The following NRG3 variants were observed in gnomAD, a reference collection of about 807,000 sequenced individuals.
The protein encoded by NRG3 is pro-neuregulin-3, membrane-bound isoform.
In NRG3, 31 loss-of-function variants were observed where a neutral mutation model predicts 66.9. The ratio of observed to expected loss-of-function variants is 0.46; its 90% CI spans 0.35 to 0.63. The LOEUF is 0.63. NRG3 is among the 20% of genes least tolerant of loss of function. NRG3 has a pLI of 0.00. For synonymous variants in NRG3, 393 were observed against 359.4 expected (o/e 1.09, Z -1.06); for missense variants, 910 against 878.9 (o/e 1.04, Z -0.45).
intron 4 of NRG3, among the ~76,000 whole-genome samples, chr10:82,917,929 C>T (rs1564629222): frequency 6.8e-6 from 1 of 147,922 alleles, no homozygotes; most frequent in Non-Finnish European, 1.5e-5. Flanking sequence ...TATATACACA[C>T]ACCCCTGTGT....
chr10:82,239,389 C>T (rs2076908015), intron 1 of NRG3, among the ~76,000 whole-genome samples: 1 of 152,134 alleles, frequency 6.6e-6, no homozygotes, highest in Admixed American at 6.6e-5. Flanking sequence ...TTCCTGACCT[C>T]AGATGATCCG....
chr10:82,687,726 G>A (rs1191976101), intron 2 of NRG3, among the ~76,000 whole-genome samples: 3 of 152,058 alleles, frequency 2.0e-5, no homozygotes, highest in Non-Finnish European at 4.4e-5. Context: ...AATATGGTGG[G>A]GGGAGGGGTG....
chr10:82,143,828 G>C (rs1173942004), intron 1 of NRG3, among the ~76,000 whole-genome samples: 4 of 152,016 alleles, frequency 2.6e-5, no homozygotes, highest in Non-Finnish European at 5.9e-5. Context: ...CCAAGAATTC[G>C]AGATTGGCCT....
At chr10:82,303,156 A>G (rs1276855578) in intron 1 of NRG3, among the ~76,000 whole-genome samples, 1 of 152,336 alleles carries the variant, frequency 6.6e-6, no homozygotes, top group South Asian at 2.1e-4. Flanking sequence ...AAACTTTAAA[A>G]TAGGCTTGAT....
intron 1 of NRG3, among the ~76,000 whole-genome samples, chr10:82,278,602 T>A (rs2078974499): frequency 6.6e-6 from 1 of 152,170 alleles, no homozygotes; most frequent in Non-Finnish European, 1.5e-5. Flanking sequence ...AGGTTTTTGC[T>A]GGTTTGTTTA....
At chr10:82,157,037 C>G (rs567679669) in intron 1 of NRG3, among the ~76,000 whole-genome samples, 2 of 151,600 alleles carry the variant, frequency 1.3e-5, no homozygotes, top group Non-Finnish European at 3.0e-5. Context: ...ATTAAATGGT[C>G]ATTATGAAGT....
At chr10:82,843,819 A>G (rs1262947116) in intron 3 of NRG3, among the ~76,000 whole-genome samples, 1 of 152,208 alleles carries the variant, frequency 6.6e-6, no homozygotes, top group Non-Finnish European at 1.5e-5. Flanking sequence ...GGGAAGGTTA[A>G]TGGGATGAAT....
In NRG3 at chr10:82,827,244, A is replaced by T. The variant is rs2062273957; in HGVS notation, c.1028-38167A>T. The T allele has an allele frequency of 1.7e-5, 6 of 358,422 alleles. No individual in the cohort carries two copies. In the Admixed American group the frequency reaches 2.1e-4, roughly 13 times the overall value. The allele number at this position is 358,422 out of a possible 1,614,324, so 22.2% of individuals were successfully genotyped here. ...AAAAAAAAAAAAAATCATGTAACGT[A>T]GATTAAAAATCTAATTTCAAAGACT... On this transcript the variant is annotated intron_variant, in intron 3 of 8. Transcript: ENST00000372141.
At position 82,462,470 on chromosome 10, in the gene NRG3, C is replaced by T. The variant is rs944958086; in HGVS notation, c.953+103602C>T. Among the ~76,000 whole-genome samples, 3 of 152,022 alleles carry T rather than the reference C, an allele frequency of 2.0e-5. No homozygotes were observed. In the South Asian group the frequency reaches 6.2e-4, roughly 31 times the overall value. ...TAGATGTCATGGAGCCAATAAAGGA[C>T]TTCAGGCAGGGAAATGTCCTGTTGA... On this transcript the variant is annotated intron_variant, in intron 2 of 8. Coordinates refer to ENST00000372141, the MANE Select transcript of NRG3 (RefSeq NM_001010848.4).
chr10:82,979,271 A>G (rs893649321), intron 8 of NRG3, 151 bp downstream of exon 8: 2 of 753,738 alleles, frequency 2.7e-6, no homozygotes, highest in Admixed American at 2.7e-5. Context: ...CAAAAGGTGA[A>G]CCAACTTTGA....
intron 1 of NRG3, among the ~76,000 whole-genome samples, chr10:82,338,109 C>A (rs2082484065): frequency 6.6e-6 from 1 of 152,076 alleles, no homozygotes; most frequent in East Asian, 1.9e-4. Context: ...CCTCTCCTCT[C>A]TGGAAAAAAG....
chr10:82,177,491 G>T (rs757640568), intron 1 of NRG3, among the ~76,000 whole-genome samples: 33 of 152,156 alleles, frequency 2.2e-4, no homozygotes, highest in Admixed American at 3.9e-4. Flanking sequence ...GATTTGAAAA[G>T]AAGTTTTTTA....
intron 1 of NRG3, among the ~76,000 whole-genome samples, chr10:82,172,341 T>G (rs1027283336): frequency 1.3e-5 from 2 of 152,124 alleles, no homozygotes; most frequent in Non-Finnish European, 1.5e-5. Flanking sequence ...ACAGGTACAT[T>G]ACAGCAGTTT....
intron 3 of NRG3, among the ~76,000 whole-genome samples, chr10:82,854,206 A>G (rs1431254275): frequency 2.0e-5 from 3 of 152,242 alleles, no homozygotes; most frequent in Non-Finnish European, 4.4e-5. Flanking sequence ...AGATCCCATC[A>G]TCATTCATAG....
Position 82,180,014 on chromosome 10 carries a change from TA to T in NRG3, c.824-178724del, listed in dbSNP as rs201269140. ...TTTTTAATGCTATTGTAAATGTAATTATTTTTTTAATTTTCTTTTCAGATTG... is the reference window on the plus strand; with the variant it reads ...TTTTTAATGCTATTGTAAATGTAATTTTTTTTTAATTTTCTTTTCAGATTG... On this transcript the variant is annotated intron_variant, in intron 1 of 8. Coordinates refer to ENST00000372141, the MANE Select transcript of NRG3 (RefSeq NM_001010848.4). Among the ~76,000 whole-genome samples, 140 of 151,964 alleles carry T rather than the reference TA, an allele frequency of 9.2e-4. No individual in the cohort carries two copies. The East Asian group carries it at 0.018, about 20-fold the overall frequency.
At chr10:82,404,489 C>T (rs567994420) in intron 2 of NRG3, among the ~76,000 whole-genome samples, 5 of 152,086 alleles carry the variant, frequency 3.3e-5, no homozygotes, top group African/African-American at 7.2e-5. Flanking sequence ...AGAGAAGCTG[C>T]GATTTAGAAC....
intron 1 of NRG3, among the ~76,000 whole-genome samples, chr10:82,000,082 G>T (rs76944764): frequency 0.038 from 5,801 of 152,214 alleles, 151 homozygotes; most frequent in Non-Finnish European, 0.06. Flanking sequence ...ATAAAATGTA[G>T]ATATATTTTA....
In NRG3 at chr10:82,900,209, C is replaced by A. The variant is rs556122572; in HGVS notation, c.1054+34772C>A. The stretch of plus-strand genomic sequence containing the variant: ...TGCTAAACAATTCATGAGGGATCCC[C>A]TGCCATGGTCCAATCACCTCCCACC... On this transcript the variant is annotated intron_variant, in intron 4 of 8. Transcript: ENST00000372141. Among the ~76,000 whole-genome samples the A allele has an allele frequency of 1.3e-4, 20 of 152,270 alleles. No homozygotes were observed. The South Asian group carries it at 4.1e-3, about 32-fold the overall frequency.
intron 1 of NRG3, among the ~76,000 whole-genome samples, chr10:82,198,725 A>C (rs529419561): frequency 1.3e-5 from 2 of 152,240 alleles, no homozygotes; most frequent in African/African-American, 4.8e-5. Context: ...GGGGCCGGGC[A>C]CGGTGGCTCA....
Sources: allele counts gnomAD v4.1 joint callset (sites outside exome capture counted in the v4.1 genomes callset), GRCh38; gene constraint gnomAD v4.1.1; transcripts MANE v1.5; gene names NCBI Gene and HGNC (gene_info 2026-07-23, HGNC 2026-07-21).